The following KCNQ4 variants were observed in gnomAD, a reference collection of about 807,000 sequenced individuals.
KCNQ4 encodes the protein potassium voltage-gated channel subfamily KQT member 4.
Under a neutral mutation model 72.6 loss-of-function variants are expected in KCNQ4, and 31 were observed. That is an observed-to-expected ratio of 0.43 (90% CI 0.32 to 0.58). The LOEUF is 0.58. Ranked by LOEUF, KCNQ4 falls within the 20% of genes least tolerant of loss-of-function variation. The pLI is 0.08. For synonymous variants in KCNQ4, 405 were observed against 403.7 expected (o/e 1.00, Z -0.04); for missense variants, 869 against 962.6 (o/e 0.90, Z 1.29).
chr1:40,816,341 C>T (rs1218038241), intron 1 of KCNQ4, among the ~76,000 whole-genome samples: 2 of 152,166 alleles, frequency 1.3e-5, no homozygotes, highest in Non-Finnish European at 2.9e-5. Flanking sequence ...TGACCTCTCA[C>T]CTCGCTCTCC....
chr1:40,823,167 G>A (rs936997422), intron 8 of KCNQ4, among the ~76,000 whole-genome samples: 8 of 152,140 alleles, frequency 5.3e-5, no homozygotes, highest in South Asian at 2.1e-4. Flanking sequence ...GATTCCACTC[G>A]CCTCTGCACC....
At position 40,794,811 on chromosome 1, in the gene KCNQ4, CCT is replaced by C. The variant is rs1302822303; in HGVS notation, c.314+10405_314+10406del. ...AATTTTACCGGTGGTGCGTGAAATC[CCT>C]GAGTCTGGGCGCCATCCCGGCTCCT... On this transcript the variant is annotated intron_variant, in intron 1 of 13. Transcript: ENST00000347132. The surrounding 1 kb of genome is among the most constrained non-coding windows in gnomAD (Gnocchi z 4.2). Among the ~76,000 whole-genome samples, 1 of 152,064 alleles carries C rather than the reference CCT, an allele frequency of 6.6e-6. No individual in the cohort carries two copies. The highest frequency in any genetic ancestry group is 1.5e-5 in the Non-Finnish European group (1 of 68,014).
intron 9 of KCNQ4, among the ~76,000 whole-genome samples, chr1:40,830,435 C>T (rs973959774): frequency 6.6e-5 from 10 of 152,184 alleles, no homozygotes; most frequent in Admixed American, 2.0e-4. Context: ...AAACCCTGAC[C>T]AGTGTGGGAT....
chr1:40,793,325 A>G (rs1647326005), intron 1 of KCNQ4, among the ~76,000 whole-genome samples: 1 of 151,900 alleles, frequency 6.6e-6, no homozygotes, highest in Non-Finnish European at 1.5e-5. Context: ...GCTTTCCTCA[A>G]ACCTGCCTCT....
intron 9 of KCNQ4, among the ~76,000 whole-genome samples, chr1:40,830,591 A>G (rs1648611655): frequency 6.6e-6 from 1 of 152,002 alleles, no homozygotes; most frequent in Non-Finnish European, 1.5e-5. Flanking sequence ...GCGCACACAC[A>G]CACACCCTCG....
chr1:40,796,485 TG>T (rs1647414061), intron 1 of KCNQ4, among the ~76,000 whole-genome samples: 2 of 152,276 alleles, frequency 1.3e-5, no homozygotes, highest in South Asian at 2.1e-4. Flanking sequence ...GTGACTTGCC[TG>T]GGTACATGTA....
intron 7 of KCNQ4, 115 bp from the exon 8 acceptor site, chr1:40,822,199 C>G (rs1203001993): frequency 2.4e-5 from 21 of 875,780 alleles, no homozygotes; most frequent in Non-Finnish European, 3.5e-5. Context: ...GAACTGGCCT[C>G]TGGCTCTGGG....
At chr1:40,832,425 C>T (rs1035102350) in intron 10 of KCNQ4, among the ~76,000 whole-genome samples, 5 of 152,226 alleles carry the variant, frequency 3.3e-5, no homozygotes, top group African/African-American at 7.2e-5. Flanking sequence ...CCTTCCCTGT[C>T]CTGGAAGCTG....
rs1648108860 is a variant in KCNQ4, at chr1:40,817,168, T to C, written c.315-97T>C. 2.2e-6 allele frequency: 2 copies of C among 897,832 alleles called. No individual in the cohort carries two copies. The highest frequency in any genetic ancestry group is 4.0e-5 in the Admixed American group (2 of 50,524). 55.6% of individuals were successfully genotyped at this position (897,832 alleles called of 1,614,324 possible). A position where few individuals can be genotyped will look rare whatever the true frequency, so the allele number is the denominator to read the frequency against. ...TTTCCACATAATTTTCTGAAAATAA[T>C]GTTCTCCTCTCTTGGCTCTGTAACC... On this transcript the variant is annotated intron_variant, in intron 1 of 13. Transcript: ENST00000347132. The surrounding 1 kb of genome is among the most constrained non-coding windows in gnomAD (Gnocchi z 5.5).
At chr1:40,825,722 C>A (rs1294769324) in intron 9 of KCNQ4, among the ~76,000 whole-genome samples, 1 of 152,142 alleles carries the variant, frequency 6.6e-6, no homozygotes, top group Non-Finnish European at 1.5e-5. Context: ...GGCGGAAACT[C>A]AAGAGTTTTT....
intron 7 of KCNQ4, among the ~76,000 whole-genome samples, chr1:40,821,303 C>T (rs1158838364): frequency 6.6e-6 from 1 of 152,224 alleles, no homozygotes; most frequent in East Asian, 1.9e-4. Flanking sequence ...AAAAATATTC[C>T]TGTCTTAGGA....
chr1:40,825,858 C>T (rs973574835), intron 9 of KCNQ4, among the ~76,000 whole-genome samples: 18 of 152,246 alleles, frequency 1.2e-4, no homozygotes, highest in African/African-American at 1.7e-4. Context: ...AGTACCTGTA[C>T]ACTCCCCACG....
chr1:40,820,033 T>A, intron 6 of KCNQ4, 48 bp downstream of exon 6: 4 of 1,541,990 alleles, frequency 2.6e-6, no homozygotes, highest in Non-Finnish European at 3.6e-6. Flanking sequence ...GGGTGGGACC[T>A]GCTCACCCCT....
chr1:40,819,032 C>T, intron 4 of KCNQ4: 1 of 554,604 alleles, frequency 1.8e-6, no homozygotes, highest in Non-Finnish European at 3.3e-6. Flanking sequence ...TAGGGTGGGC[C>T]CCAGGTGGAA....
Position 40,822,364 on chromosome 1 carries a change from C to T in KCNQ4, c.1092C>T (p.Ala364=), listed in dbSNP as rs1209159164. Residue 364 remains alanine, a synonymous_variant, in exon 8 of 14, where the codon GCC becomes GCT. Coordinates refer to ENST00000347132, the MANE Select transcript of KCNQ4 (RefSeq NM_004700.4). ...ATATGAGCCGGGCCTACCTGACAGC[C>T]ACCTGGTACTACTATGACAGTATCC... ...STDMSRAYLT[A]TWYYYDSILP... is the part of the protein sequence containing the mutation. 2.5e-6 allele frequency: 4 copies of T among 1,610,648 alleles called. No individual in the cohort carries two copies. In the South Asian group the frequency reaches 4.4e-5, roughly 18 times the overall value.
intron 10 of KCNQ4, 44 bp downstream of exon 10, chr1:40,831,348 G>A: frequency 6.6e-7 from 1 of 1,508,784 alleles, no homozygotes; most frequent in Non-Finnish European, 9.0e-7. Flanking sequence ...CCGGCTGAGG[G>A]TGGCAGGGCG....
chr1:40,827,108 C>G (rs550461106), intron 9 of KCNQ4, among the ~76,000 whole-genome samples: 2 of 152,198 alleles, frequency 1.3e-5, no homozygotes, highest in African/African-American at 4.8e-5. Flanking sequence ...CTAGCAGATG[C>G]CTGAAGGAGC....
rs1212801676 is a variant in KCNQ4 at position 40,817,251 on chromosome 1, T to G, written c.315-14T>G. ...TCCAACAATCTAACCCTCTCCCTCA[T>G]GTTGTAATTGCAGATTTTTGCTGGT... On this transcript the variant is annotated splice_polypyrimidine_tract_variant and intron_variant, in intron 1 of 13. Coordinates refer to ENST00000347132, the MANE Select transcript of KCNQ4 (RefSeq NM_004700.4). This position sits in a 1 kb window ranked among gnomAD's most constrained non-coding sequence, Gnocchi z 5.5. 1 of 1,609,672 alleles carries G rather than the reference T, an allele frequency of 6.2e-7. No homozygotes were observed. The highest frequency in any genetic ancestry group is 1.1e-5 in the South Asian group (1 of 90,550).
At chr1:40,789,764 G>T (rs1433919323) in intron 1 of KCNQ4, among the ~76,000 whole-genome samples, 4 of 152,208 alleles carry the variant, frequency 2.6e-5, no homozygotes, top group African/African-American at 7.2e-5. Context: ...TCAAGAGGTG[G>T]TTATTATTCT....
Sources: allele counts gnomAD v4.1 joint callset (sites outside exome capture counted in the v4.1 genomes callset), GRCh38; gene constraint gnomAD v4.1.1; non-coding constraint Gnocchi (gnomAD v3.1); transcripts MANE v1.5; gene names NCBI Gene and HGNC (gene_info 2026-07-23, HGNC 2026-07-21).